ACBD6: variants seen among roughly 807,000 people sequenced by gnomAD.
ACBD6 encodes the protein acyl-CoA binding domain containing 6.
In ACBD6, 28 loss-of-function variants were observed where a neutral mutation model predicts 37.2. The ratio of observed to expected loss-of-function variants is 0.75; its 90% confidence interval spans 0.56 to 1.03. ACBD6 has a LOEUF of 1.03. ACBD6 is among the 50% of genes least tolerant of loss of function. The pLI is 0.00. For missense variants in ACBD6, 340 were observed against 337.4 expected (o/e 1.01, Z -0.06); for synonymous variants, 113 against 126.8 (o/e 0.89, Z 0.73).
At chr1:180,308,703 C>T (rs1650480006) in intron 7 of ACBD6, among the ~76,000 whole-genome samples, 1 of 152,104 alleles carries the variant, frequency 6.6e-6, no homozygotes, top group African/African-American at 2.4e-5. Context: ...GTCCTGATTA[C>T]TTCTAGTTCA....
intron 9 of ACBD6, chr1:180,275,507 G>A (rs1648972644): frequency 6.6e-6 from 1 of 152,262 alleles, no homozygotes. Flanking sequence ...CATATCGGCT[G>A]ATGCCAGTCT....
intron 6 of ACBD6, among the ~76,000 whole-genome samples, chr1:180,323,440 A>T (rs1024455391): frequency 6.6e-6 from 1 of 152,054 alleles, no homozygotes; most frequent in Non-Finnish European, 1.5e-5. Flanking sequence ...GTATAGACTA[A>T]GTCTGATGTT....
chr1:180,461,150 T>A, intron 3 of ACBD6, among the ~76,000 whole-genome samples: 1 of 152,090 alleles, frequency 6.6e-6, no homozygotes, highest in Non-Finnish European at 1.5e-5. Context: ...GAAACAATTT[T>A]AGAGCTTGAA....
intron 7 of ACBD6, among the ~76,000 whole-genome samples, chr1:180,314,240 C>G (rs1650701867): frequency 1.3e-5 from 2 of 152,042 alleles, no homozygotes; most frequent in South Asian, 4.1e-4. Context: ...CTTCAACTTA[C>G]TAAGTTATTA....
chr1:180,386,136 C>T (rs562789705), intron 6 of ACBD6, among the ~76,000 whole-genome samples: 24 of 152,194 alleles, frequency 1.6e-4, no homozygotes, highest in Non-Finnish European at 3.4e-4. Context: ...CACCACTGCA[C>T]TCCAGCCTGG....
At chr1:180,364,592 T>A (rs1001354395) in intron 6 of ACBD6, among the ~76,000 whole-genome samples, 3 of 152,194 alleles carry the variant, frequency 2.0e-5, no homozygotes, top group African/African-American at 7.2e-5. Context: ...AATTAGCACT[T>A]TCTGAAACAG....
chr1:180,426,475 T>C (rs1294161565), intron 4 of ACBD6, among the ~76,000 whole-genome samples: 1 of 152,214 alleles, frequency 6.6e-6, no homozygotes, highest in Admixed American at 6.5e-5. Flanking sequence ...TTTCTGCCCA[T>C]CTGCGGTATA....
chr1:180,290,839 T>C (rs538064309), intron 7 of ACBD6, among the ~76,000 whole-genome samples: 9 of 152,266 alleles, frequency 5.9e-5, no homozygotes, highest in Admixed American at 2.6e-4. Flanking sequence ...AGTACAGAGG[T>C]TGGATTGAAG....
At chr1:180,373,967 G>T (rs890830936) in intron 6 of ACBD6, among the ~76,000 whole-genome samples, 38 of 152,066 alleles carry the variant, frequency 2.5e-4, no homozygotes, top group African/African-American at 8.7e-4. Flanking sequence ...TATTTAATTA[G>T]AATGCCCAGG....
rs1025436172 is a variant in ACBD6 at position 180,413,395 on chromosome 1, T to G, written c.544A>C (p.Asn182His). The stretch of plus-strand genomic sequence containing the variant: ...TCATCTTTCACATTCACATCCACAT[T>G]TTTCGATTTGATGGCTTTGGTTATA... Reference protein sequence around the residue: ...DHITKAIKSKNVDVNVKDEEG... With the variant: ...DHITKAIKSKHVDVNVKDEEG... Residue 182 changes from asparagine to histidine, a missense_variant, in exon 5 of 8, where the codon AAT (asparagine) becomes CAT (histidine). Asn to His is a moderately conservative substitution (Grantham distance 68). Transcript: ENST00000367595. 3 of 1,613,332 alleles carry G rather than the reference T, an allele frequency of 1.9e-6. No individual in the cohort carries two copies. Among genetic ancestry groups the G allele is most frequent in the Non-Finnish European group, 2.5e-6 (3 of 1,179,702 alleles).
intron 6 of ACBD6, among the ~76,000 whole-genome samples, chr1:180,368,883 C>A (rs1242511855): frequency 6.6e-6 from 1 of 152,118 alleles, no homozygotes; most frequent in African/African-American, 2.4e-5. Context: ...TCACAGGTAA[C>A]TGAAACTGCA....
At chr1:180,451,634 C>A (rs6674244) in intron 3 of ACBD6, among the ~76,000 whole-genome samples, 73,948 of 152,096 alleles carry the variant, frequency 0.49, 20,809 homozygotes, top group South Asian at 0.66. Flanking sequence ...TAAAAGACTA[C>A]ATGTGATATT....
chr1:180,312,473 A>G (rs1650630963), intron 7 of ACBD6, among the ~76,000 whole-genome samples: 1 of 152,158 alleles, frequency 6.6e-6, no homozygotes, highest in Admixed American at 6.5e-5. Flanking sequence ...ATTTCTGTGT[A>G]GCTAACTGTA....
At chr1:180,479,297 T>A (rs1650930590) in intron 3 of ACBD6, among the ~76,000 whole-genome samples, 1 of 152,188 alleles carries the variant, frequency 6.6e-6, no homozygotes. Context: ...ATATACACAA[T>A]GAAATATTAC....
intron 5 of ACBD6, among the ~76,000 whole-genome samples, chr1:180,401,420 C>T (rs1304399729): frequency 2.0e-5 from 3 of 152,064 alleles, no homozygotes; most frequent in Non-Finnish European, 4.4e-5. Context: ...CTTAGTAACT[C>T]GTCCATAAAC....
chr1:180,317,131 G>A (rs1034285643), intron 6 of ACBD6, among the ~76,000 whole-genome samples: 2 of 152,296 alleles, frequency 1.3e-5, no homozygotes, highest in African/African-American at 2.4e-5. Flanking sequence ...ATAGAAGTGT[G>A]CGCACACAGA....
At chr1:180,412,845 A>C (rs568849296) in intron 5 of ACBD6, among the ~76,000 whole-genome samples, 20 of 152,180 alleles carry the variant, frequency 1.3e-4, no homozygotes, top group Non-Finnish European at 2.4e-4. Flanking sequence ...CAGCCTGGGC[A>C]ACAGAGTGAG....
At chr1:180,414,818 C>T (rs1648007900) in intron 4 of ACBD6, among the ~76,000 whole-genome samples, 1 of 152,060 alleles carries the variant, frequency 6.6e-6, no homozygotes, top group Non-Finnish European at 1.5e-5. Context: ...CCCTGTTAAA[C>T]AGAAGAGAAA....
chr1:180,314,822 A>G, intron 6 of ACBD6, 100 bp from the exon 7 acceptor site: 1 of 900,832 alleles, frequency 1.1e-6, no homozygotes, highest in Admixed American at 1.9e-5. Context: ...CCAAAGTTCC[A>G]TAGGTTTATC....
Sources: allele counts gnomAD v4.1 joint callset (sites outside exome capture counted in the v4.1 genomes callset), GRCh38; gene constraint gnomAD v4.1.1; transcripts MANE v1.5; gene names NCBI Gene and HGNC (gene_info 2026-07-23, HGNC 2026-07-21).